Variants in GTF2F2 observed in about 807,000 individuals in gnomAD.
The protein encoded by GTF2F2 is ATP-dependent helicase GTF2F2.
In GTF2F2, 23 loss-of-function variants were observed where a neutral mutation model predicts 42.2. The ratio of observed to expected loss-of-function variants is 0.55; its 90% CI spans 0.39 to 0.77. GTF2F2 has a LOEUF of 0.77. GTF2F2 is among the 30% of genes least tolerant of loss of function. The pLI is 0.00. For synonymous variants in GTF2F2, 105 were observed against 100.8 expected (o/e 1.04, Z -0.25); for missense variants, 261 against 287.2 (o/e 0.91, Z 0.66).
At chr13:45,223,476 A>G (rs1210594113) in intron 5 of GTF2F2, among the ~76,000 whole-genome samples, 2 of 152,066 alleles carry the variant, frequency 1.3e-5, no homozygotes, top group Non-Finnish European at 2.9e-5. Flanking sequence ...GCCAAATGCT[A>G]TTGTTCACAG....
chr13:45,246,936 G>A (rs1875654585), intron 5 of GTF2F2, among the ~76,000 whole-genome samples: 2 of 151,878 alleles, frequency 1.3e-5, no homozygotes, highest in Non-Finnish European at 2.9e-5. Context: ...TACTTGGGAA[G>A]ATGAGGCAGG....
intron 1 of GTF2F2, among the ~76,000 whole-genome samples, chr13:45,134,115 A>C (rs1346843586): frequency 6.6e-6 from 1 of 152,192 alleles, no homozygotes; most frequent in Admixed American, 6.5e-5. Context: ...ACCAGTATCC[A>C]TTTACTTTGA....
At chr13:45,243,321 C>T (rs1335041135) in intron 5 of GTF2F2, among the ~76,000 whole-genome samples, 1 of 152,212 alleles carries the variant, frequency 6.6e-6, no homozygotes, top group Admixed American at 6.5e-5. Context: ...ACTGCCTGAG[C>T]TCCGCCTCCT....
chr13:45,221,783 C>G (rs1566139916), intron 5 of GTF2F2, among the ~76,000 whole-genome samples: 1 of 152,170 alleles, frequency 6.6e-6, no homozygotes, highest in Non-Finnish European at 1.5e-5. Flanking sequence ...GAACTTTGAT[C>G]TGATCCTGAA....
At position 45,283,367 on chromosome 13, in the gene GTF2F2, G is replaced by A. The variant is rs1877340776; in HGVS notation, c.631-75G>A. 4 of 1,302,574 alleles carry A rather than the reference G, an allele frequency of 3.1e-6. No homozygotes were observed. The South Asian group carries it at 5.8e-5, about 19-fold the overall frequency. The allele number at this position is 1,302,574 out of a possible 1,614,324, so 80.7% of individuals were successfully genotyped here. A position where few individuals can be genotyped will look rare whatever the true frequency, so the allele number is the denominator to read the frequency against. ...TTTTTATGGCTTGCATATGTGCTTTGGCATATCATCTTATTTTAAGTTTTG... is the reference window on the plus strand; with the variant it reads ...TTTTTATGGCTTGCATATGTGCTTTAGCATATCATCTTATTTTAAGTTTTG... On this transcript the variant is annotated intron_variant, in intron 7 of 7. Transcript: ENST00000340473.
intron 7 of GTF2F2, among the ~76,000 whole-genome samples, chr13:45,274,784 AAC>A (rs1876957071): frequency 6.6e-6 from 1 of 152,062 alleles, no homozygotes; most frequent in African/African-American, 2.4e-5. Flanking sequence ...CTCCACAAAA[AAC>A]ACAAAAATTA....
intron 5 of GTF2F2, among the ~76,000 whole-genome samples, chr13:45,237,504 A>G (rs1304714597): frequency 6.6e-6 from 1 of 152,260 alleles, no homozygotes; most frequent in East Asian, 1.9e-4. Flanking sequence ...TAGCTAAAAT[A>G]TACTGAATAC....
At chr13:45,256,160 A>G (rs1450429145) in intron 6 of GTF2F2, among the ~76,000 whole-genome samples, 10 of 152,072 alleles carry the variant, frequency 6.6e-5, no homozygotes, top group Admixed American at 1.3e-4. Flanking sequence ...ATCTTCTCCA[A>G]TTGTTGAAAT....
At chr13:45,159,451 C>T (rs910887845) in intron 4 of GTF2F2, among the ~76,000 whole-genome samples, 15 of 152,184 alleles carry the variant, frequency 9.9e-5, no homozygotes, top group African/African-American at 3.1e-4. Flanking sequence ...AGCGCAGTGG[C>T]GCGATCTCGG....
intron 4 of GTF2F2, among the ~76,000 whole-genome samples, chr13:45,184,873 G>A (rs1306928410): frequency 6.6e-6 from 1 of 152,138 alleles, no homozygotes; most frequent in East Asian, 1.9e-4. Flanking sequence ...AAGTGCAGTG[G>A]CATAGTCATG....
rs1159599179 is a variant in GTF2F2 at position 45,284,860 on chromosome 13, T to TAC, written c.*1304_*1305dup. 2 of 152,238 alleles carry TAC rather than the reference T, an allele frequency of 1.3e-5. No individual in the cohort carries two copies. Among genetic ancestry groups the TAC allele is most frequent in the Non-Finnish European group, 2.9e-5 (2 of 68,036 alleles). 9.4% of individuals were successfully genotyped at this position (152,238 alleles called of 1,614,324 possible). ...GCACTAAGAAGATTTTTATTCTGTG[T>TAC]ACACACTGAAAAATAAAATTCTGAG... On this transcript the variant is annotated 3_prime_UTR_variant, in exon 8 of 8. Transcript: ENST00000340473.
At position 45,257,913 on chromosome 13, in the gene GTF2F2, G is replaced by A. The variant is rs146281675; in HGVS notation, c.486+4943G>A. 7.0e-4 allele frequency among the ~76,000 whole-genome samples: 106 copies of A among 152,162 alleles called. 1 individual carries two copies. Among genetic ancestry groups the A allele is most frequent in the Admixed American group, 1.2e-3 (19 of 15,270 alleles). Reference sequence around the variant, plus strand: ...TTTTAGCATTGGTGCTCAATTCAGAGATTTACAGATTATAGTATCTATTTT... The same window carrying A: ...TTTTAGCATTGGTGCTCAATTCAGAAATTTACAGATTATAGTATCTATTTT... On this transcript the variant is annotated intron_variant, in intron 6 of 7. Transcript: ENST00000340473.
At chr13:45,244,009 T>G (rs1354143713) in intron 5 of GTF2F2, among the ~76,000 whole-genome samples, 1 of 152,242 alleles carries the variant, frequency 6.6e-6, no homozygotes, top group Non-Finnish European at 1.5e-5. Flanking sequence ...GTTGGTTGAA[T>G]CTGCAGGTAC....
intron 5 of GTF2F2, among the ~76,000 whole-genome samples, chr13:45,248,632 C>G (rs180719917): frequency 6.6e-6 from 1 of 152,190 alleles, no homozygotes; most frequent in Non-Finnish European, 1.5e-5. Flanking sequence ...TGCCACCATG[C>G]CCGGCTGATT....
intron 4 of GTF2F2, chr13:45,194,622 G>C (rs1276869508): frequency 2.7e-6 from 4 of 1,486,968 alleles, no homozygotes; most frequent in Non-Finnish European, 3.7e-6. Flanking sequence ...TTTTTAAAAA[G>C]AGACACTACC....
At chr13:45,224,791 C>A (rs1403108501) in intron 5 of GTF2F2, among the ~76,000 whole-genome samples, 3 of 152,336 alleles carry the variant, frequency 2.0e-5, no homozygotes, top group African/African-American at 2.4e-5. Flanking sequence ...TTATTCAAAT[C>A]TCTATCATGG....
At chr13:45,255,239 A>T (rs1428227156) in intron 6 of GTF2F2, among the ~76,000 whole-genome samples, 1 of 151,854 alleles carries the variant, frequency 6.6e-6, no homozygotes, top group Admixed American at 6.6e-5. Context: ...GATAGCATCT[A>T]CCAAACTACT....
intron 5 of GTF2F2, among the ~76,000 whole-genome samples, chr13:45,212,463 C>CTTTTCTTTCTTTCT (rs376424917): frequency 3.6e-5 from 1 of 27,486 alleles, no homozygotes; most frequent in Non-Finnish European, 7.6e-5. Flanking sequence ...TTCTTTCTTT[C>CTTTTCTTTCTTTCT]TTTCTTTCTT....
chr13:45,125,305 T>G (rs1868928063), intron 1 of GTF2F2, among the ~76,000 whole-genome samples: 1 of 151,964 alleles, frequency 6.6e-6, no homozygotes, highest in Admixed American at 6.6e-5. Flanking sequence ...GTCTCTCTGT[T>G]TTTTTTTGTT....
Sources: allele counts gnomAD v4.1 joint callset (sites outside exome capture counted in the v4.1 genomes callset), GRCh38; gene constraint gnomAD v4.1.1; transcripts MANE v1.5; gene names NCBI Gene and HGNC (gene_info 2026-07-23, HGNC 2026-07-21).